Variants in MAP3K7 observed in about 807,000 individuals in gnomAD.
MAP3K7 encodes the protein mitogen-activated protein kinase kinase kinase 7.
Under a neutral mutation model 84.8 loss-of-function variants are expected in MAP3K7, and 21 were observed. The ratio of observed to expected loss-of-function variants is 0.25; its 90% CI spans 0.18 to 0.36. MAP3K7 has a LOEUF of 0.36. Ranked by LOEUF, MAP3K7 falls within the 10% of genes least tolerant of loss-of-function variation. MAP3K7 has a pLI of 1.00. For missense variants in MAP3K7, 503 were observed against 747.7 expected (o/e 0.67, Z 3.82); for synonymous variants, 241 against 247.7 (o/e 0.97, Z 0.25).
intron 14 of MAP3K7, among the ~76,000 whole-genome samples, chr6:90,520,547 T>C (rs1303075246): frequency 6.6e-6 from 1 of 152,062 alleles, no homozygotes; most frequent in Non-Finnish European, 1.5e-5. Flanking sequence ...TAGTTATCAT[T>C]ATTATTCATA....
chr6:90,579,524 A>G (rs983403675), intron 1 of MAP3K7, among the ~76,000 whole-genome samples: 7 of 152,144 alleles, frequency 4.6e-5, no homozygotes. Context: ...TTTTTGCCCA[A>G]GCTCAAGATA....
intron 1 of MAP3K7, among the ~76,000 whole-genome samples, chr6:90,572,753 C>CA: frequency 6.6e-6 from 1 of 152,018 alleles, no homozygotes; most frequent in Non-Finnish European, 1.5e-5. Flanking sequence ...TTGTTGAAGC[C>CA]AACTGATGAA....
chr6:90,519,461 T>C (rs1397223820), intron 14 of MAP3K7, 142 bp from the exon 15 acceptor site: 8 of 616,918 alleles, frequency 1.3e-5, no homozygotes, highest in Non-Finnish European at 8.5e-6. Context: ...AATTGAAGAG[T>C]CTATTTCTGA....
At chr6:90,521,235 ATTAT>A (rs1013101558) in intron 14 of MAP3K7, among the ~76,000 whole-genome samples, 12 of 149,448 alleles carry the variant, frequency 8.0e-5, no homozygotes, top group Admixed American at 2.0e-4. Context: ...AGATCGGAAG[ATTAT>A]TTAATGAAAG....
At chr6:90,526,966 A>T (rs937134550) in intron 13 of MAP3K7, among the ~76,000 whole-genome samples, 3 of 152,138 alleles carry the variant, frequency 2.0e-5, no homozygotes, top group Admixed American at 6.5e-5. Flanking sequence ...AAAATAAAAT[A>T]AAAATAAAAA....
At chr6:90,574,853 C>T (rs1393100319) in intron 1 of MAP3K7, among the ~76,000 whole-genome samples, 1 of 152,116 alleles carries the variant, frequency 6.6e-6, no homozygotes, top group Non-Finnish European at 1.5e-5. Context: ...CTCAAGAAAG[C>T]AATTTTCTAG....
chr6:90,536,396 C>T lies in MAP3K7; in HGVS notation c.1297G>A (p.Gly433Arg), dbSNP rs774760752. 7.4e-6 allele frequency: 12 copies of T among 1,611,036 alleles called. No homozygotes were observed. The highest frequency in any genetic ancestry group is 2.7e-5 in the African/African-American group (2 of 74,656). Residue 433 changes from glycine to arginine, a missense_variant, in exon 13 of 17, where the codon GGA becomes AGA. Gly to Arg is a moderately radical substitution (Grantham distance 125). Transcript: ENST00000369329. Reference sequence around the variant, plus strand: ...TGGATGGATCTACGTCTTGGCTGTCCGTTGCCTTTAAAAAGAAGAAAAAAA... The same window carrying T: ...TGGATGGATCTACGTCTTGGCTGTCTGTTGCCTTTAAAAAGAAGAAAAAAA... The part of the protein sequence containing the change: ...DVPEIVISGN[G>R]QPRRRSIQDL...
chr6:90,525,069 C>A, intron 13 of MAP3K7, among the ~76,000 whole-genome samples: 1 of 150,760 alleles, frequency 6.6e-6, no homozygotes, highest in Non-Finnish European at 1.5e-5. Context: ...TATCAGTAAC[C>A]ACAATAAATG....
At chr6:90,533,329 G>C (rs1303360150) in intron 13 of MAP3K7, among the ~76,000 whole-genome samples, 1 of 152,196 alleles carries the variant, frequency 6.6e-6, no homozygotes, top group East Asian at 1.9e-4. Flanking sequence ...AGTGGAAAGA[G>C]TTGGGTTTAA....
In MAP3K7 at chr6:90,574,289, G is replaced by A. The variant is rs975212495; in HGVS notation, c.121-2482C>T. ...TTTCTTTTCTTTCTTTTTTCTTTTG[G>A]GTAGAGATGGGATCCCACTATGTTG... is the stretch of plus-strand genomic sequence containing the variant. On this transcript the variant is annotated intron_variant, in intron 1 of 16. Transcript: ENST00000369329. Among the ~76,000 whole-genome samples the A allele has an allele frequency of 6.6e-5, 10 of 151,946 alleles. No individual in the cohort carries two copies. The East Asian group carries it at 1.9e-3, about 29-fold the overall frequency.
chr6:90,584,735 G>A (rs529082879), intron 1 of MAP3K7, among the ~76,000 whole-genome samples: 2 of 152,220 alleles, frequency 1.3e-5, no homozygotes, highest in Non-Finnish European at 2.9e-5. Context: ...GCATTTAGTA[G>A]ACCATAAAGC....
intron 3 of MAP3K7, among the ~76,000 whole-genome samples, chr6:90,568,262 G>C (rs1234854460): frequency 6.6e-6 from 1 of 151,836 alleles, no homozygotes; most frequent in Non-Finnish European, 1.5e-5. Context: ...TACATAAAGA[G>C]AAAGAAAAAA....
intron 11 of MAP3K7, 56 bp downstream of exon 11, chr6:90,547,202 A>ATGGAT: frequency 6.3e-7 from 1 of 1,589,772 alleles, no homozygotes; most frequent in Non-Finnish European, 8.5e-7. Flanking sequence ...TGAAACTACC[A>ATGGAT]TGGCCAAAAA....
chr6:90,555,412 C>T (rs1215380367), intron 6 of MAP3K7, among the ~76,000 whole-genome samples: 2 of 152,052 alleles, frequency 1.3e-5, no homozygotes, highest in African/African-American at 4.8e-5. Context: ...CCCGCCACCA[C>T]GCCCGGCGAA....
chr6:90,565,359 G>A (rs189799413), intron 3 of MAP3K7, among the ~76,000 whole-genome samples: 30 of 151,762 alleles, frequency 2.0e-4, no homozygotes, highest in African/African-American at 6.8e-4. Flanking sequence ...AAATAGACAC[G>A]ATAAAAAATG....
At position 90,527,866 on chromosome 6, in the gene MAP3K7, CTTTTTTTTTTTTTT is replaced by C. The variant is rs991440454; in HGVS notation, c.1357-4097_1357-4084del. ...GAAACTAAAATGGGTTTCATAAGGA[CTTTTTTTTTTTTTT>C]TTTTTTTTTTTTTTTTGAGACGGAG... On this transcript the variant is annotated intron_variant, in intron 13 of 16. Coordinates refer to ENST00000369329, the MANE Select transcript of MAP3K7 (RefSeq NM_145331.3). Among the ~76,000 whole-genome samples the C allele has an allele frequency of 4.3e-4, 19 of 44,642 alleles. 7 individuals are homozygous for C. The highest frequency in any genetic ancestry group is 1.6e-3 in the African/African-American group (11 of 7,038). 29.3% of individuals were successfully genotyped at this position (44,642 alleles called of 152,430 possible). A position where few individuals can be genotyped will look rare whatever the true frequency, so the allele number is the denominator to read the frequency against.
intron 12 of MAP3K7, among the ~76,000 whole-genome samples, chr6:90,538,660 T>C (rs1459758814): frequency 6.6e-6 from 1 of 151,872 alleles, no homozygotes; most frequent in Non-Finnish European, 1.5e-5. Flanking sequence ...CCACCGCAAA[T>C]AGAAAGCAAC....
At chr6:90,585,025 T>A (rs556449078) in intron 1 of MAP3K7, among the ~76,000 whole-genome samples, 2 of 152,320 alleles carry the variant, frequency 1.3e-5, no homozygotes, top group East Asian at 3.9e-4. Context: ...CAGGTCACAT[T>A]TCCTCTCTGG....
chr6:90,576,100 A>G (rs573747385), intron 1 of MAP3K7, among the ~76,000 whole-genome samples: 6 of 152,244 alleles, frequency 3.9e-5, no homozygotes, highest in Non-Finnish European at 7.4e-5. Flanking sequence ...TGGCAGCTCC[A>G]GGCTGGGCAG....
Sources: allele counts gnomAD v4.1 joint callset (sites outside exome capture counted in the v4.1 genomes callset), GRCh38; gene constraint gnomAD v4.1.1; transcripts MANE v1.5; gene names NCBI Gene and HGNC (gene_info 2026-07-23, HGNC 2026-07-21).